GTF2IRD1: variants seen among roughly 807,000 people sequenced by gnomAD.
The protein encoded by GTF2IRD1 is general transcription factor II-I repeat domain-containing protein 1.
GTF2IRD1 carries 26 observed loss-of-function variants against 113.2 expected under a neutral mutation model. That is an observed-to-expected ratio of 0.23 (90% CI 0.17 to 0.32). The LOEUF (loss-of-function observed/expected upper bound fraction) is 0.32. GTF2IRD1 is among the 10% of genes least tolerant of loss of function. The pLI is 1.00. For missense variants in GTF2IRD1, 864 were observed against 1,280.8 expected (o/e 0.67, Z 4.97); for synonymous variants, 484 against 529.1 (o/e 0.91, Z 1.17).
At chr7:74,585,205 C>T (rs1185144694) in intron 22 of GTF2IRD1, among the ~76,000 whole-genome samples, 1 of 151,188 alleles carries the variant, frequency 6.6e-6, no homozygotes, top group African/African-American at 2.4e-5. Flanking sequence ...CTCCACCTCC[C>T]AGTTCAAGGG....
chr7:74,481,422 G>A (rs1794736111), intron 1 of GTF2IRD1, among the ~76,000 whole-genome samples: 1 of 152,122 alleles, frequency 6.6e-6, no homozygotes, highest in Non-Finnish European at 1.5e-5. Flanking sequence ...GGCTCCCAGA[G>A]TGTTGGGATT....
At chr7:74,517,916 G>T (rs115718441) in intron 4 of GTF2IRD1, among the ~76,000 whole-genome samples, 2,166 of 152,260 alleles carry the variant, frequency 0.014, 54 homozygotes, top group African/African-American at 0.049. Flanking sequence ...CTTGGTGGGG[G>T]AGCCCCAGCC....
chr7:74,552,089 C>T (rs1261800700), intron 17 of GTF2IRD1, among the ~76,000 whole-genome samples: 4 of 151,590 alleles, frequency 2.6e-5, no homozygotes, highest in Middle Eastern at 3.6e-3. Flanking sequence ...GGTTGAGGCC[C>T]AAGAGGTAGC....
chr7:74,568,448 A>G (rs782073261), intron 22 of GTF2IRD1, among the ~76,000 whole-genome samples: 2 of 151,982 alleles, frequency 1.3e-5, no homozygotes, highest in Non-Finnish European at 2.9e-5. Flanking sequence ...GGAGATCAAG[A>G]CCATCCTGGC....
At chr7:74,511,295 G>T in intron 2 of GTF2IRD1, among the ~76,000 whole-genome samples, 1 of 152,184 alleles carries the variant, frequency 6.6e-6, no homozygotes, top group East Asian at 1.9e-4. Context: ...AGGGTGGGCT[G>T]AAGGGATGTG....
intron 22 of GTF2IRD1, among the ~76,000 whole-genome samples, chr7:74,589,147 G>A (rs1801902260): frequency 6.6e-6 from 1 of 152,138 alleles, no homozygotes; most frequent in African/African-American, 2.4e-5. Flanking sequence ...CTTGAGGCCA[G>A]CAAGAGGATC....
At chr7:74,525,893 C>T (rs1194289412) in intron 8 of GTF2IRD1, among the ~76,000 whole-genome samples, 2 of 152,198 alleles carry the variant, frequency 1.3e-5, no homozygotes, top group Admixed American at 6.5e-5. Context: ...CTTGTGACCA[C>T]GTCTGGGGCA....
At chr7:74,520,427 A>T (rs1797215690) in intron 6 of GTF2IRD1, among the ~76,000 whole-genome samples, 1 of 152,128 alleles carries the variant, frequency 6.6e-6, no homozygotes, top group African/African-American at 2.4e-5. Context: ...TTCCTCTATA[A>T]AATGGGGATG....
At chr7:74,496,313 T>G (rs1584520238) in intron 1 of GTF2IRD1, among the ~76,000 whole-genome samples, 34 of 118,168 alleles carry the variant, frequency 2.9e-4, no homozygotes, top group East Asian at 5.8e-4. Context: ...TGTGTGGGGG[T>G]GGGGGTGTGC....
intron 22 of GTF2IRD1, among the ~76,000 whole-genome samples, chr7:74,585,045 A>G (rs1440072159): frequency 1.4e-5 from 2 of 146,260 alleles, no homozygotes; most frequent in South Asian, 2.2e-4. Flanking sequence ...CAGGTGATCC[A>G]CCCACCTCGG....
chr7:74,579,318 G>T (rs587654853), intron 22 of GTF2IRD1, among the ~76,000 whole-genome samples: 23 of 152,026 alleles, frequency 1.5e-4, no homozygotes, highest in African/African-American at 5.1e-4. Flanking sequence ...AATTTTTTTT[G>T]AAAAGGAAGA....
At chr7:74,463,060 C>A (rs1452620068) in intron 1 of GTF2IRD1, among the ~76,000 whole-genome samples, 2 of 152,148 alleles carry the variant, frequency 1.3e-5, no homozygotes, top group African/African-American at 4.8e-5. Context: ...GTCTTCACTC[C>A]TGCAGCTGTT....
In GTF2IRD1 at chr7:74,519,594, A is replaced by G. The variant is rs782207760; in HGVS notation, c.791A>G (p.Asn264Ser). The G allele has an allele frequency of 5.6e-6, 9 of 1,612,584 alleles. No individual in the cohort carries two copies. The Admixed American group carries it at 1.0e-4, about 18-fold the overall frequency. ...TTCCTGTACAGCACGGCGCTCCCCA[A>G]CCACGCCATCCGAGAGCTCAAGCAG... Reference protein sequence around the residue: ...ASFLYSTALPNHAIRELKQEA... With the variant: ...ASFLYSTALPSHAIRELKQEA... The change falls in exon 6 of 27, where the codon AAC (asparagine) becomes AGC (serine). Residue 264 changes from asparagine to serine, a missense_variant. This residue lies in a region of GTF2IRD1 where 195 missense variants were observed against 196.6 expected (regional missense o/e 0.99). Coordinates refer to ENST00000424337, the MANE Select transcript of GTF2IRD1 (RefSeq NM_005685.4).
At chr7:74,581,039 G>A (rs1315928870) in intron 22 of GTF2IRD1, among the ~76,000 whole-genome samples, 1 of 152,056 alleles carries the variant, frequency 6.6e-6, no homozygotes, top group Non-Finnish European at 1.5e-5. Context: ...GTTGGGGGGA[G>A]ACGGAGTTTT....
In GTF2IRD1 at chr7:74,507,936, T is replaced by C. The variant is rs1369405960; in HGVS notation, c.-6-139T>C. On this transcript the variant is annotated intron_variant, in intron 1 of 26. Coordinates refer to ENST00000424337, the MANE Select transcript of GTF2IRD1 (RefSeq NM_005685.4). ...TCTAATCCCATCACACATAAAGCCC[T>C]TGGGCCCAGGGAAGGTCAGCCCTGG... The C allele has an allele frequency of 7.8e-6, 7 of 895,950 alleles. No homozygotes were observed. In the South Asian group the frequency reaches 1.1e-4, roughly 14 times the overall value. 55.5% of individuals were successfully genotyped at this position (895,950 alleles called of 1,614,324 possible). A position where few individuals can be genotyped will look rare whatever the true frequency, so the allele number is the denominator to read the frequency against.
chr7:74,521,026 C>T (rs968718793), intron 6 of GTF2IRD1, among the ~76,000 whole-genome samples, 182 bp from the exon 7 acceptor site: 2 of 151,956 alleles, frequency 1.3e-5, no homozygotes, highest in Non-Finnish European at 2.9e-5. Context: ...GATTCTGGTG[C>T]AGAATGTCTT....
In GTF2IRD1 at chr7:74,466,331, C is replaced by T. The variant is rs111958281; in HGVS notation, c.-7+12155C>T. On this transcript the variant is annotated intron_variant, in intron 1 of 26. Coordinates refer to ENST00000424337, the MANE Select transcript of GTF2IRD1 (RefSeq NM_005685.4). The stretch of plus-strand genomic sequence containing the variant: ...TGGAGGACGGTGATTTGGACAGAAG[C>T]GTAGGGCCAGAGACAGGACGTGACG... Among the ~76,000 whole-genome samples the T allele has an allele frequency of 9.6e-3, 1,459 of 152,186 alleles. 23 individuals are homozygous for T. The highest frequency in any genetic ancestry group is 0.032 in the African/African-American group (1,323 of 41,514).
intron 22 of GTF2IRD1, among the ~76,000 whole-genome samples, chr7:74,578,929 G>A (rs1211340427): frequency 4.0e-5 from 6 of 151,758 alleles, no homozygotes; most frequent in African/African-American, 1.5e-4. Flanking sequence ...AGAGGTTGCA[G>A]TGAGCTGAGA....
At position 74,529,746 on chromosome 7, in the gene GTF2IRD1, G is replaced by A; in HGVS notation, c.1103G>A (p.Gly368Asp). Reference sequence around the variant, plus strand: ...GTTGTCTTTCCAGCGGAAGCCCTGGGCCTGGACCACATGGTCCCCGTGCCC... The same window carrying A: ...GTTGTCTTTCCAGCGGAAGCCCTGGACCTGGACCACATGGTCCCCGTGCCC... ...LFNSRYAEALGLDHMVPVPYR... is the reference protein window; with the variant it reads ...LFNSRYAEALDLDHMVPVPYR... The change falls in exon 9 of 27, where the codon GGC becomes GAC. Residue 368 changes from glycine (G) to aspartate (D), a missense_variant. Gly to Asp is a moderately conservative substitution (Grantham distance 94). This residue lies in a region of GTF2IRD1 where 218 missense variants were observed against 352.6 expected (regional missense o/e 0.62). Transcript: ENST00000424337. 6.2e-7 allele frequency: 1 copy of A among 1,614,022 alleles called. No individual in the cohort carries two copies. Among genetic ancestry groups the A allele is most frequent in the Non-Finnish European group, 8.5e-7 (1 of 1,179,968 alleles).
Sources: allele counts gnomAD v4.1 joint callset (sites outside exome capture counted in the v4.1 genomes callset), GRCh38; gene constraint gnomAD v4.1.1; regional missense constraint gnomAD v4.1.1; transcripts MANE v1.5; gene names NCBI Gene and HGNC (gene_info 2026-07-23, HGNC 2026-07-21).